IRF2: variants seen among roughly 807,000 people sequenced by gnomAD.
IRF2 encodes the protein interferon regulatory factor 2.
A neutral mutation model predicts 40.6 loss-of-function variants in IRF2; 15 were observed. That is an observed-to-expected ratio of 0.37 (90% confidence interval 0.25 to 0.57). The LOEUF (loss-of-function observed/expected upper bound fraction) is 0.57, where lower values mean the gene tolerates loss of function less well. Among genes scored for constraint, IRF2 ranks in the 20% least tolerant of loss-of-function variants. IRF2 has a pLI of 0.77. For missense variants in IRF2, 317 were observed against 455.7 expected (o/e 0.70, Z 2.77); for synonymous variants, 151 against 165.5 (o/e 0.91, Z 0.67).
chr4:184,399,520 A>G (rs1295824626), intron 6 of IRF2, among the ~76,000 whole-genome samples: 1 of 152,206 alleles, frequency 6.6e-6, no homozygotes, highest in Non-Finnish European at 1.5e-5. Context: ...ATCCAGGGAG[A>G]CATTATCAAA....
rs143642348 is a variant in IRF2, at chr4:184,461,546, A to G, written c.-7+12833T>C. On this transcript the variant is annotated intron_variant, in intron 1 of 8. Transcript: ENST00000393593. ...GACCATCTACCTACCTGGCTACCTC[A>G]AATCGAAGATAATTTTCTTTCGTTT... Among the ~76,000 whole-genome samples the G allele has an allele frequency of 3.9e-3, 589 of 152,292 alleles. 4 individuals are homozygous for G. Among genetic ancestry groups the G allele is most frequent in the Non-Finnish European group, 5.9e-3 (399 of 68,008 alleles).
chr4:184,446,816 G>A (rs548135708), intron 1 of IRF2, among the ~76,000 whole-genome samples: 2 of 152,108 alleles, frequency 1.3e-5, no homozygotes, highest in African/African-American at 2.4e-5. Flanking sequence ...TTAGCCAGGC[G>A]TGGTGACGGG....
At chr4:184,473,084 A>C (rs1359951091) in intron 1 of IRF2, among the ~76,000 whole-genome samples, 1 of 151,328 alleles carries the variant, frequency 6.6e-6, no homozygotes, top group Non-Finnish European at 1.5e-5. Flanking sequence ...GGGCGCCGCG[A>C]TTGGCCGCGG....
intron 2 of IRF2, among the ~76,000 whole-genome samples, chr4:184,426,846 C>CCA (rs778380555): frequency 6.6e-5 from 10 of 152,224 alleles, no homozygotes; most frequent in Non-Finnish European, 1.3e-4. Context: ...CTCTCCCACT[C>CCA]CACATCAAAC....
intron 1 of IRF2, among the ~76,000 whole-genome samples, chr4:184,440,577 C>T (rs1738268033): frequency 6.6e-6 from 1 of 152,200 alleles, no homozygotes; most frequent in Non-Finnish European, 1.5e-5. Flanking sequence ...TGGAGAACCT[C>T]GCAGCAGATG....
Position 184,453,244 on chromosome 4 carries a change from T to G in IRF2, c.-7+21135A>C, listed in dbSNP as rs190294569. On this transcript the variant is annotated intron_variant, in intron 1 of 8. Coordinates refer to ENST00000393593, the MANE Select transcript of IRF2 (RefSeq NM_002199.4). ...TCTAGAAAAATTTATGCAAGGCCAT[T>G]AAGACCTAAAAGGGTAGACTGACTT... Among the ~76,000 whole-genome samples, 196 of 152,340 alleles carry G rather than the reference T, an allele frequency of 1.3e-3. 1 individual carries two copies. The highest frequency in any genetic ancestry group is 4.3e-3 in the Admixed American group (66 of 15,306).
intron 2 of IRF2, among the ~76,000 whole-genome samples, chr4:184,421,236 T>C (rs1737471660): frequency 6.6e-6 from 1 of 152,186 alleles, no homozygotes; most frequent in Admixed American, 6.5e-5. Context: ...AAAGACTATT[T>C]CAGAACATTG....
chr4:184,466,570 C>G (rs1463348965), intron 1 of IRF2, among the ~76,000 whole-genome samples: 1 of 152,104 alleles, frequency 6.6e-6, no homozygotes. Context: ...CAAGGAAGAT[C>G]AGTACGGGGG....
chr4:184,411,217 C>T (rs754272315), intron 5 of IRF2, among the ~76,000 whole-genome samples: 115 of 152,174 alleles, frequency 7.6e-4, no homozygotes, highest in Admixed American at 5.1e-3. Flanking sequence ...GCCACCATGC[C>T]GGGCTAATTT....
At chr4:184,395,153 T>A (rs1157471978) in intron 7 of IRF2, among the ~76,000 whole-genome samples, 2 of 151,976 alleles carry the variant, frequency 1.3e-5, no homozygotes, top group Non-Finnish European at 2.9e-5. Flanking sequence ...GGCTCACGCC[T>A]GGAATCCCAG....
At position 184,429,171 on chromosome 4, in the gene IRF2, C is replaced by T. The variant is rs1380276429; in HGVS notation, c.-6-101G>A. 4 of 833,264 alleles carry T rather than the reference C, an allele frequency of 4.8e-6. No homozygotes were observed. The Admixed American group carries it at 8.4e-5, about 18-fold the overall frequency. The allele number at this position is 833,264 out of a possible 1,614,324, so 51.6% of individuals were successfully genotyped here. On this transcript the variant is annotated intron_variant, in intron 1 of 8. Transcript: ENST00000393593. Reference sequence around the variant, plus strand: ...GCCTGACTCTTTCCTTCTCTCCTTTCCTGGGGCTGGGGACCAGGGGGCTGG... The same window carrying T: ...GCCTGACTCTTTCCTTCTCTCCTTTTCTGGGGCTGGGGACCAGGGGGCTGG...
intron 1 of IRF2, among the ~76,000 whole-genome samples, chr4:184,445,913 A>AG (rs1738490734): frequency 6.6e-6 from 1 of 152,202 alleles, no homozygotes; most frequent in African/African-American, 2.4e-5. Context: ...AAGTTAAACG[A>AG]GGTCATACCA....
At chr4:184,455,042 A>G (rs1010730230) in intron 1 of IRF2, among the ~76,000 whole-genome samples, 25 of 152,130 alleles carry the variant, frequency 1.6e-4, no homozygotes, top group African/African-American at 6.0e-4. Flanking sequence ...CACCCTGCAC[A>G]TTCTTGGCCA....
chr4:184,441,810 G>T (rs547542904), intron 1 of IRF2, among the ~76,000 whole-genome samples: 30 of 152,344 alleles, frequency 2.0e-4, no homozygotes, highest in African/African-American at 6.7e-4. Flanking sequence ...GGGTACTACT[G>T]TGGTCCCCAT....
chr4:184,444,141 C>T (rs566908073), intron 1 of IRF2, among the ~76,000 whole-genome samples: 1 of 152,302 alleles, frequency 6.6e-6, no homozygotes, highest in South Asian at 2.1e-4. Context: ...GACAAGTGGG[C>T]AGGAGCCAGC....
chr4:184,390,903 G>A (rs976877552), intron 7 of IRF2, among the ~76,000 whole-genome samples, 154 bp from the exon 8 acceptor site: 11 of 152,218 alleles, frequency 7.2e-5, no homozygotes, highest in Admixed American at 3.3e-4. Context: ...AAGCTAGAGT[G>A]AATTTCAACT....
At chr4:184,412,729 G>A (rs1186868852) in intron 5 of IRF2, among the ~76,000 whole-genome samples, 1 of 152,086 alleles carries the variant, frequency 6.6e-6, no homozygotes, top group Non-Finnish European at 1.5e-5. Flanking sequence ...TCCTTGCTTG[G>A]AATGAGGCCA....
At chr4:184,389,719 C>T (rs560044865) in intron 8 of IRF2, among the ~76,000 whole-genome samples, 9 of 152,276 alleles carry the variant, frequency 5.9e-5, no homozygotes, top group Admixed American at 1.3e-4. Flanking sequence ...CTCTGCGGCT[C>T]GGCCCGATTA....
rs1170972195 is a variant in IRF2 at position 184,387,784 on chromosome 4, C to T, written c.*974G>A. On this transcript the variant is annotated 3_prime_UTR_variant, in exon 9 of 9. Transcript: ENST00000393593. ...AATCCACAGGAAAATCTGATTGCTA[C>T]ATGAGCTCATAAAAGCTTTTTTCAC... 1.3e-5 allele frequency: 2 copies of T among 151,258 alleles called. No individual in the cohort carries two copies. The highest frequency in any genetic ancestry group is 4.9e-5 in the African/African-American group (2 of 40,914). 9.4% of individuals were successfully genotyped at this position (151,258 alleles called of 1,614,324 possible).
Sources: allele counts gnomAD v4.1 joint callset (sites outside exome capture counted in the v4.1 genomes callset), GRCh38; gene constraint gnomAD v4.1.1; transcripts MANE v1.5; gene names NCBI Gene and HGNC (gene_info 2026-07-23, HGNC 2026-07-21).